Variants in PCDH9 observed in about 807,000 individuals in gnomAD.
PCDH9 encodes protocadherin-9.
In PCDH9, 24 loss-of-function variants were observed where a neutral mutation model predicts 70.6. The observed-to-expected ratio is 0.34, with a 90% CI of 0.25 to 0.48. PCDH9 has a LOEUF of 0.48. PCDH9 is among the 20% of genes least tolerant of loss of function. The pLI, the probability that PCDH9 is intolerant of heterozygous loss-of-function variation, is 0.99. For missense variants in PCDH9, 1,281 were observed against 1,503.6 expected (o/e 0.85, Z 2.45); for synonymous variants, 562 against 558.5 (o/e 1.01, Z -0.09).
intron 2 of PCDH9, among the ~76,000 whole-genome samples, chr13:67,174,610 T>C (rs935879531): frequency 2.6e-5 from 4 of 152,206 alleles, no homozygotes; most frequent in Non-Finnish European, 5.9e-5. Context: ...TCTTATTTTC[T>C]TCTTAAACTA....
intron 2 of PCDH9, chr13:67,207,817 C>G (rs916339007): frequency 6.6e-6 from 1 of 152,140 alleles, no homozygotes; most frequent in Admixed American, 6.6e-5. Context: ...ATGCCAATAG[C>G]AAACCATTGA....
At chr13:67,087,831 C>T (rs1212501979) in intron 2 of PCDH9, among the ~76,000 whole-genome samples, 4 of 152,004 alleles carry the variant, frequency 2.6e-5, no homozygotes, top group Non-Finnish European at 5.9e-5. Flanking sequence ...AGCAACAGAA[C>T]AAAAAGAGGA....
chr13:67,048,332 C>T (rs2085262010), intron 2 of PCDH9, among the ~76,000 whole-genome samples: 1 of 152,092 alleles, frequency 6.6e-6, no homozygotes, highest in African/African-American at 2.4e-5. Flanking sequence ...CTGCATTTTT[C>T]CAGGAAGGTA....
At chr13:66,906,273 A>AT (rs2082358511) in intron 2 of PCDH9, among the ~76,000 whole-genome samples, 1 of 152,196 alleles carries the variant, frequency 6.6e-6, no homozygotes, top group South Asian at 2.1e-4. Flanking sequence ...AAGGAACTGC[A>AT]TATGCAAAGG....
chr13:66,469,828 C>T (rs1162298540), intron 4 of PCDH9, among the ~76,000 whole-genome samples: 2 of 152,100 alleles, frequency 1.3e-5, no homozygotes, highest in Admixed American at 1.3e-4. Flanking sequence ...TCACCCATTC[C>T]CTTTTTTATC....
At chr13:66,826,268 T>C (rs1427372943) in intron 3 of PCDH9, among the ~76,000 whole-genome samples, 1 of 152,186 alleles carries the variant, frequency 6.6e-6, no homozygotes, top group Non-Finnish European at 1.5e-5. Flanking sequence ...TTTCCAAGAC[T>C]GCTTATCAAA....
chr13:66,543,864 A>G (rs1206449155), intron 4 of PCDH9, among the ~76,000 whole-genome samples: 1 of 152,162 alleles, frequency 6.6e-6, no homozygotes, highest in Non-Finnish European at 1.5e-5. Context: ...CCCTTGGATC[A>G]CATTCTGTGA....
At chr13:66,635,312 C>T (rs1053563108) in intron 3 of PCDH9, among the ~76,000 whole-genome samples, 4 of 152,180 alleles carry the variant, frequency 2.6e-5, no homozygotes, top group Middle Eastern at 3.4e-3. Flanking sequence ...TTATCATTGA[C>T]AGGTTATATA....
chr13:67,226,602 A>G lies in PCDH9; in HGVS notation c.1839T>C (p.Asn613=), dbSNP rs369557922. The change falls in exon 2 of 5, where the codon AAT becomes AAC. Residue 613 remains asparagine, a synonymous_variant. Transcript: ENST00000377865. The surrounding 1 kb of genome is among the most constrained non-coding windows in gnomAD (Gnocchi z 5.0). ...GATCCAACACAAAATTATCATTGTC[A>G]TTTAGAATGGAAAGAGTCACAGCTT... ...ENKAVTLSIL[N]DNDNFVLDPY... 6 of 1,614,076 alleles carry G rather than the reference A, an allele frequency of 3.7e-6. No individual in the cohort carries two copies. Among genetic ancestry groups the G allele is most frequent in the Non-Finnish European group, 5.1e-6 (6 of 1,179,924 alleles).
At chr13:67,078,400 C>T (rs2085920298) in intron 2 of PCDH9, among the ~76,000 whole-genome samples, 2 of 152,150 alleles carry the variant, frequency 1.3e-5, no homozygotes, top group Non-Finnish European at 2.9e-5. Context: ...TCAGCTCTTT[C>T]CCCTTTATTC....
At chr13:66,400,329 G>C (rs1177535785) in intron 4 of PCDH9, among the ~76,000 whole-genome samples, 1 of 152,128 alleles carries the variant, frequency 6.6e-6, no homozygotes, top group Non-Finnish European at 1.5e-5. Context: ...GCAAGGAGTT[G>C]CTAACAGTTG....
chr13:66,627,874 T>A (rs1480292878), intron 4 of PCDH9, among the ~76,000 whole-genome samples: 2 of 152,234 alleles, frequency 1.3e-5, no homozygotes, highest in East Asian at 3.8e-4. Context: ...ACCTCTGCTA[T>A]CTTTTTCCAT....
intron 2 of PCDH9, among the ~76,000 whole-genome samples, chr13:67,171,362 C>T (rs2088279977): frequency 6.6e-6 from 1 of 152,166 alleles, no homozygotes; most frequent in Non-Finnish European, 1.5e-5. Context: ...GGTCTAACCT[C>T]ATTAACAGCA....
chr13:66,856,445 T>A (rs1185209457), intron 3 of PCDH9, among the ~76,000 whole-genome samples: 3 of 152,074 alleles, frequency 2.0e-5, no homozygotes, highest in Non-Finnish European at 4.4e-5. Flanking sequence ...TCAACCACAA[T>A]AAATAACTTA....
intron 2 of PCDH9, among the ~76,000 whole-genome samples, chr13:67,156,250 A>G (rs1364917433): frequency 6.6e-6 from 1 of 152,162 alleles, no homozygotes; most frequent in East Asian, 1.9e-4. Flanking sequence ...AGCAAGGCAA[A>G]GACCGAAACG....
At chr13:66,818,944 C>CA (rs1477827644) in intron 3 of PCDH9, among the ~76,000 whole-genome samples, 1 of 149,844 alleles carries the variant, frequency 6.7e-6, no homozygotes, top group African/African-American at 2.5e-5. Flanking sequence ...CAAAAAAAAA[C>CA]AAAAAACAAA....
chr13:67,069,664 T>G (rs1218810243), intron 2 of PCDH9, among the ~76,000 whole-genome samples: 1 of 152,138 alleles, frequency 6.6e-6, no homozygotes. Context: ...CTCCTTTCTT[T>G]CTGAATTTGC....
intron 2 of PCDH9, among the ~76,000 whole-genome samples, chr13:67,111,530 C>T (rs1383524616): frequency 6.6e-6 from 1 of 152,154 alleles, no homozygotes. Context: ...TACTAAGTTC[C>T]TAACGCTACT....
intron 4 of PCDH9, among the ~76,000 whole-genome samples, chr13:66,392,456 CA>C (rs1472599012): frequency 6.6e-6 from 1 of 152,126 alleles, no homozygotes; most frequent in Non-Finnish European, 1.5e-5. Flanking sequence ...TTCCACCACT[CA>C]TTGAATTAAA....
Sources: gnomAD v4.1 joint callset for allele counts (sites outside exome capture counted in the v4.1 genomes callset) on GRCh38, gnomAD v4.1.1 for gene constraint, Gnocchi (gnomAD v3.1) non-coding constraint, MANE v1.5 for transcripts, NCBI Gene and HGNC (gene_info 2026-07-23, HGNC 2026-07-21) for gene names.